Variants in COA1 observed in about 807,000 individuals in gnomAD.
COA1 encodes the protein cytochrome c oxidase assembly factor 1, also known as cytochrome c oxidase assembly factor 1 homolog.
Under a neutral mutation model 16.0 loss-of-function variants are expected in COA1, and 13 were observed. That is an observed-to-expected ratio of 0.81 (90% CI 0.53 to 1.29). The LOEUF (loss-of-function observed/expected upper bound fraction) is 1.29. Among genes scored for constraint, COA1 ranks in the 50% most tolerant of loss-of-function variants. COA1 has a pLI of 0.00. For synonymous variants in COA1, 65 were observed against 65.7 expected (o/e 0.99, Z 0.05); for missense variants, 179 against 177.0 (o/e 1.01, Z -0.06).
At chr7:43,633,954 G>A (rs2085451452) in intron 6 of COA1, among the ~76,000 whole-genome samples, 1 of 152,088 alleles carries the variant, frequency 6.6e-6, no homozygotes, top group Admixed American at 6.6e-5. Flanking sequence ...TTTAAATTCA[G>A]TGATTGTTTT....
downstream of COA1, among the ~76,000 whole-genome samples, chr7:43,635,047 C>A (rs2085634638): frequency 1.3e-5 from 2 of 152,210 alleles, no homozygotes; most frequent in Middle Eastern, 3.4e-3. Flanking sequence ...TCTACTCTTT[C>A]TTGTTTCTTC....
rs10267410 is a variant in COA1, at chr7:43,714,138, G to A, written c.-39+15291C>T. Among the ~76,000 whole-genome samples, 283 of 152,100 alleles carry A rather than the reference G, an allele frequency of 1.9e-3. 2 individuals carry two copies. The highest frequency in any genetic ancestry group is 6.6e-3 in the African/African-American group (273 of 41,486). Reference sequence around the variant, plus strand: ...GGGACTTCCAGGTTGCAATGAGGTAGGATCATGCCACTGCACTCCAGCCTG... The same window carrying A: ...GGGACTTCCAGGTTGCAATGAGGTAAGATCATGCCACTGCACTCCAGCCTG... On this transcript the variant is annotated intron_variant, in intron 1 of 5. Coordinates refer to ENST00000223336, the MANE Select transcript of COA1 (RefSeq NM_018224.4).
intron 1 of COA1, among the ~76,000 whole-genome samples, chr7:43,718,895 T>A (rs758362759): frequency 6.6e-6 from 1 of 152,066 alleles, no homozygotes; most frequent in East Asian, 1.9e-4. Context: ...TCCATGTCCA[T>A]TGGGTTTTTA....
chr7:43,722,791 T>G (rs1162233226), intron 1 of COA1, among the ~76,000 whole-genome samples: 1 of 152,080 alleles, frequency 6.6e-6, no homozygotes, highest in African/African-American at 2.4e-5. Context: ...CTATGTAATC[T>G]TGGTATTTGC....
At chr7:43,653,253 G>C (rs924532215) in intron 1 of COA1, among the ~76,000 whole-genome samples, 1 of 151,926 alleles carries the variant, frequency 6.6e-6, no homozygotes, top group African/African-American at 2.4e-5. Context: ...TGGAGCTTGC[G>C]GTGAGCCGAG....
At chr7:43,620,000 G>C (rs2083713508) in intron 6 of COA1, among the ~76,000 whole-genome samples, 1 of 152,192 alleles carries the variant, frequency 6.6e-6, no homozygotes, top group African/African-American at 2.4e-5. Context: ...AACAAAGTAG[G>C]ATATTAGCTT....
chr7:43,691,005 GC>G (rs2094252136), intron 1 of COA1, among the ~76,000 whole-genome samples: 1 of 134,932 alleles, frequency 7.4e-6, no homozygotes, highest in Non-Finnish European at 1.5e-5. Flanking sequence ...CTCACTTGAG[GC>G]CAGGAGTTAA....
intron 1 of COA1, among the ~76,000 whole-genome samples, chr7:43,669,771 TAA>T (rs56286506): frequency 4.7e-5 from 7 of 148,790 alleles, no homozygotes; most frequent in Admixed American, 6.7e-5. Context: ...AAAAAAAAAT[TAA>T]AAAAAAAAAA....
chr7:43,720,034 T>C (rs1184043478), intron 1 of COA1, among the ~76,000 whole-genome samples: 1 of 151,878 alleles, frequency 6.6e-6, no homozygotes, highest in Admixed American at 6.6e-5. Context: ...ATCCCAGCAC[T>C]TTGGGAGGCC....
intron 6 of COA1, among the ~76,000 whole-genome samples, chr7:43,620,389 T>C (rs1383764033): frequency 2.6e-5 from 4 of 152,166 alleles, no homozygotes; most frequent in Admixed American, 6.5e-5. Flanking sequence ...ATTATTAATA[T>C]TTAGGCCAAG....
intron 1 of COA1, among the ~76,000 whole-genome samples, chr7:43,694,217 A>G (rs2094461119): frequency 6.7e-6 from 1 of 149,294 alleles, no homozygotes; most frequent in African/African-American, 2.5e-5. Context: ...TCTCTATATT[A>G]GTCACATCAG....
chr7:43,645,703 T>C, intron 3 of COA1: 1 of 247,920 alleles, frequency 4.0e-6, no homozygotes, highest in Non-Finnish European at 8.1e-6. Flanking sequence ...CCTAAGAGGT[T>C]TGGTCAGCTC....
intron 4 of COA1, among the ~76,000 whole-genome samples, chr7:43,644,777 G>GAGAGAGA (rs2088567002): frequency 8.7e-6 from 1 of 114,892 alleles, no homozygotes; most frequent in African/African-American, 3.4e-5. Flanking sequence ...CAGGCAGGCA[G>GAGAGAGA]GCAGGCAGGC....
rs1563384583 is a variant in COA1, at chr7:43,691,398, AG to A, written c.-39+38030del. Among the ~76,000 whole-genome samples, 31 of 119,442 alleles carry A rather than the reference AG, an allele frequency of 2.6e-4. 1 individual carries two copies. The highest frequency in any genetic ancestry group is 3.6e-4 in the Admixed American group (4 of 11,258). 78.4% of individuals were successfully genotyped at this position (119,442 alleles called of 152,430 possible). On this transcript the variant is annotated intron_variant, in intron 1 of 5. Coordinates refer to ENST00000223336, the MANE Select transcript of COA1 (RefSeq NM_018224.4). ...GAGGGAGGAAGGAAGGAAGGAAGGA[AG>A]GAAGGAAGGAAGGAAGAAAGAAAAA...
At chr7:43,714,077 G>A (rs2095328166) in intron 1 of COA1, among the ~76,000 whole-genome samples, 1 of 152,150 alleles carries the variant, frequency 6.6e-6, no homozygotes, top group East Asian at 1.9e-4. Context: ...TGCACCAATA[G>A]TCCCAGCTAC....
intron 3 of COA1, chr7:43,646,096 A>G (rs929631004): frequency 1.9e-5 from 3 of 155,042 alleles, no homozygotes; most frequent in East Asian, 3.8e-4. Flanking sequence ...CAGGCTTCCC[A>G]AGCAGGGTGT....
chr7:43,640,853 A>G (rs907609940), intron 4 of COA1: 12 of 499,206 alleles, frequency 2.4e-5, no homozygotes, highest in Non-Finnish European at 4.2e-5. Flanking sequence ...GGTAAGGTCA[A>G]TGGCAGTCTT....
At chr7:43,656,055 A>C (rs2091661121) in intron 1 of COA1, 1 of 152,242 alleles carries the variant, frequency 6.6e-6, no homozygotes. Flanking sequence ...CATGTGAATG[A>C]GCTGTCATGG....
At chr7:43,645,923 A>G (rs2089165085) in intron 3 of COA1, 1 of 153,706 alleles carries the variant, frequency 6.5e-6, no homozygotes. Context: ...TAGAAACAGG[A>G]TATGAAAATG....
Sources: gnomAD v4.1 joint callset for allele counts (sites outside exome capture counted in the v4.1 genomes callset) on GRCh38, gnomAD v4.1.1 for gene constraint, MANE v1.5 for transcripts, NCBI Gene and HGNC (gene_info 2026-07-23, HGNC 2026-07-21) for gene names.